The following DAB1 variants were observed in gnomAD, a reference collection of about 807,000 sequenced individuals.
The protein encoded by DAB1 is disabled homolog 1.
A neutral mutation model predicts 64.6 loss-of-function variants in DAB1; 15 were observed. That is an observed-to-expected ratio of 0.23 (90% CI 0.16 to 0.36). DAB1 has a LOEUF of 0.36. Among genes scored for constraint, DAB1 ranks in the 10% least tolerant of loss-of-function variants. DAB1 has a pLI of 1.00. For synonymous variants in DAB1, 235 were observed against 251.9 expected, an observed-to-expected ratio of 0.93 and a Z score of 0.64; for missense variants, 596 against 706.7, an observed-to-expected ratio of 0.84 and a Z score of 1.78.
chr1:58,393,970 T>C (rs1370956541), intron 3 of DAB1, among the ~76,000 whole-genome samples: 1 of 152,180 alleles, frequency 6.6e-6, no homozygotes. Context: ...AAACATCATG[T>C]CATGCCCCAT....
At chr1:57,990,742 A>T (rs980160245) in intron 5 of DAB1, among the ~76,000 whole-genome samples, 3 of 152,084 alleles carry the variant, frequency 2.0e-5, no homozygotes, top group Non-Finnish European at 4.4e-5. Context: ...GGTCCCATAT[A>T]ATCAGGCCCG....
At chr1:58,307,402 C>T (rs1662332130) in intron 4 of DAB1, among the ~76,000 whole-genome samples, 3 of 152,168 alleles carry the variant, frequency 2.0e-5, no homozygotes, top group Admixed American at 1.3e-4. Context: ...GACATAGACA[C>T]ACTTTCCAAT....
chr1:57,726,336 T>C (rs1413826868), intron 6 of DAB1, among the ~76,000 whole-genome samples: 1 of 152,104 alleles, frequency 6.6e-6, no homozygotes, highest in South Asian at 2.1e-4. Flanking sequence ...GGATATTAAA[T>C]AGAAATGTGC....
intron 7 of DAB1, among the ~76,000 whole-genome samples, chr1:57,510,262 C>T (rs911077278): frequency 3.3e-5 from 5 of 152,132 alleles, no homozygotes; most frequent in Non-Finnish European, 7.4e-5. Context: ...TGCACTTTAC[C>T]TCTCAGCCAG....
chr1:57,426,482 A>G (rs1366820503), upstream of DAB1, among the ~76,000 whole-genome samples: 1 of 152,188 alleles, frequency 6.6e-6, no homozygotes, highest in East Asian at 1.9e-4. Context: ...TCACCTAATA[A>G]TTAGGGGTTT....
At chr1:57,555,892 A>G (rs1644982783) in intron 7 of DAB1, among the ~76,000 whole-genome samples, 2 of 152,112 alleles carry the variant, frequency 1.3e-5, no homozygotes, top group Non-Finnish European at 2.9e-5. Context: ...ATTCCTTTAC[A>G]TTCTATTTAA....
chr1:57,880,328 T>C (rs1365284370), intron 1 of DAB1: 1 of 152,176 alleles, frequency 6.6e-6, no homozygotes, highest in Non-Finnish European at 1.5e-5. Flanking sequence ...AATGCAATTA[T>C]ACAACTAATT....
chr1:58,541,632 A>AAAAAAAAAAAAC (rs1557461122), intron 1 of DAB1: 1 of 146,328 alleles, frequency 6.8e-6, no homozygotes, highest in African/African-American at 2.6e-5. Flanking sequence ...AAAAAAAAAA[A>AAAAAAAAAAAAC]AAAAAAAAAC....
intron 2 of DAB1, among the ~76,000 whole-genome samples, chr1:57,171,495 G>C (rs1318763937): frequency 7.1e-6 from 1 of 139,962 alleles, no homozygotes; most frequent in African/African-American, 2.4e-5. Flanking sequence ...AACTATCTGG[G>C]ACACTTTAAA....
intron 14 of DAB1, among the ~76,000 whole-genome samples, chr1:57,005,845 T>C (rs1011894485): frequency 2.0e-5 from 3 of 152,180 alleles, no homozygotes; most frequent in African/African-American, 4.8e-5. Flanking sequence ...ATAATAAAAA[T>C]ACCTGAGTGT....
chr1:57,688,085 G>T (rs931605343), intron 6 of DAB1, among the ~76,000 whole-genome samples: 2 of 152,098 alleles, frequency 1.3e-5, no homozygotes, highest in Non-Finnish European at 2.9e-5. Context: ...AAACTGAAGA[G>T]CTTCTGCACA....
At chr1:57,800,015 C>T (rs1651050911) in intron 6 of DAB1, among the ~76,000 whole-genome samples, 1 of 152,150 alleles carries the variant, frequency 6.6e-6, no homozygotes, top group South Asian at 2.1e-4. Context: ...GATTAGGATG[C>T]TAATGCTAAT....
intron 7 of DAB1, among the ~76,000 whole-genome samples, chr1:57,634,453 C>A (rs1393837757): frequency 1.3e-5 from 2 of 152,034 alleles, no homozygotes; most frequent in Non-Finnish European, 2.9e-5. Flanking sequence ...TAAATGAAAG[C>A]AAATATAATA....
At chr1:57,775,195 T>C (rs1453296725) in intron 6 of DAB1, among the ~76,000 whole-genome samples, 2 of 151,494 alleles carry the variant, frequency 1.3e-5, no homozygotes, top group East Asian at 3.9e-4. Flanking sequence ...TAAAGTTTTA[T>C]TGACCTTTTC....
At chr1:57,207,461 T>TTTTTTTTTTTTTTTTTTTTTTTTA (rs1255721794) in intron 2 of DAB1, among the ~76,000 whole-genome samples, 1 of 127,250 alleles carries the variant, frequency 7.9e-6, no homozygotes, top group African/African-American at 2.9e-5. Flanking sequence ...TTTTTTTTTT[T>TTTTTTTTTTTTTTTTTTTTTTTTA]GAGATGGAGT....
At chr1:57,583,489 G>A (rs1033056752) in intron 7 of DAB1, among the ~76,000 whole-genome samples, 5 of 151,918 alleles carry the variant, frequency 3.3e-5, no homozygotes, top group Middle Eastern at 3.2e-3. Context: ...GTTTCACCAC[G>A]TTGGCCAAGA....
intron 2 of DAB1, among the ~76,000 whole-genome samples, chr1:57,264,205 CTT>C (rs1670409027): frequency 1.3e-5 from 2 of 152,266 alleles, no homozygotes; most frequent in South Asian, 4.1e-4. Flanking sequence ...ACATAATAGA[CTT>C]AATTCACTAA....
At chr1:57,491,738 C>A (rs1278327137) in intron 7 of DAB1, among the ~76,000 whole-genome samples, 1 of 152,132 alleles carries the variant, frequency 6.6e-6, no homozygotes, top group Admixed American at 6.5e-5. Flanking sequence ...ATGAGAAGAG[C>A]GGCCTCTATA....
At chr1:57,965,882 G>C (rs1325607374) in intron 5 of DAB1, among the ~76,000 whole-genome samples, 1 of 152,074 alleles carries the variant, frequency 6.6e-6, no homozygotes, top group Admixed American at 6.6e-5. Context: ...CTTGTTATGT[G>C]CATTGTGGCA....
Sources: allele counts gnomAD v4.1 joint callset (sites outside exome capture counted in the v4.1 genomes callset), GRCh38; gene constraint gnomAD v4.1.1; transcripts MANE v1.5; gene names NCBI Gene and HGNC (gene_info 2026-07-23, HGNC 2026-07-21).